RAD23B: variants seen among roughly 807,000 people sequenced by gnomAD.
RAD23B encodes RAD23 nucleotide excision repair protein B.
Under a neutral mutation model 49.1 loss-of-function variants are expected in RAD23B, and 5 were observed. That is an observed-to-expected ratio of 0.10 (90% CI 0.05 to 0.21). RAD23B has a LOEUF of 0.21. Among genes scored for constraint, RAD23B ranks in the 10% least tolerant of loss-of-function variants. The probability of loss-of-function intolerance (pLI) is 1.00; values close to 1 mark genes in which losing one functional copy is unlikely to be tolerated. For missense variants in RAD23B, 356 were observed against 486.7 expected, an observed-to-expected ratio of 0.73 and a Z score of 2.53; for synonymous variants, 184 against 165.4, an observed-to-expected ratio of 1.11 and a Z score of -0.86.
chr9:107,309,714 A>G (rs1195944146), intron 4 of RAD23B, among the ~76,000 whole-genome samples: 2 of 152,038 alleles, frequency 1.3e-5, no homozygotes, highest in Non-Finnish European at 2.9e-5. Context: ...GGCGGATCAC[A>G]AGGTCAGGAG....
intron 6 of RAD23B, 66 bp from the exon 7 acceptor site, chr9:107,321,917 T>G: frequency 4.2e-6 from 6 of 1,419,268 alleles, no homozygotes; most frequent in Non-Finnish European, 4.7e-6. Flanking sequence ...ACTATAAATC[T>G]TTTACTCTGT....
intron 3 of RAD23B, among the ~76,000 whole-genome samples, chr9:107,305,438 C>G (rs559228003): frequency 5.6e-4 from 85 of 152,240 alleles, no homozygotes; most frequent in African/African-American, 2.0e-3. Context: ...ATTGCGGTCT[C>G]AAGGTGGCAG....
At chr9:107,283,717 AG>A in intron 1 of RAD23B, 22 bp downstream of exon 1, 1 of 1,447,200 alleles carries the variant, frequency 6.9e-7, no homozygotes, top group South Asian at 1.3e-5. Context: ...GGCCGGGGGC[AG>A]GGGCAGCCGC....
At chr9:107,313,917 TTCCTTCC>T (rs977998874) in intron 5 of RAD23B, among the ~76,000 whole-genome samples, 9 of 151,862 alleles carry the variant, frequency 5.9e-5, no homozygotes, top group Middle Eastern at 3.4e-3. Context: ...TCCTTTCTCC[TTCCTTCC>T]TCCTTCCTTC....
chr9:107,299,902 C>T (rs1774884559), intron 1 of RAD23B, among the ~76,000 whole-genome samples: 1 of 152,016 alleles, frequency 6.6e-6, no homozygotes, highest in South Asian at 2.1e-4. Flanking sequence ...ATCAGTTCAA[C>T]TAGTAAATTT....
At chr9:107,284,059 G>A (rs998045288) in intron 1 of RAD23B, 138 of 1,022,314 alleles carry the variant, frequency 1.3e-4, no homozygotes, top group Middle Eastern at 4.6e-4. Flanking sequence ...CACAGGTGGG[G>A]GAGGGAGACG....
chr9:107,299,532 C>A (rs544436025), intron 1 of RAD23B, among the ~76,000 whole-genome samples: 1 of 152,184 alleles, frequency 6.6e-6, no homozygotes, highest in Non-Finnish European at 1.5e-5. Flanking sequence ...AGAAGCTAAG[C>A]TGCTTGTTTA....
At chr9:107,285,382 A>C (rs1833255501) in intron 1 of RAD23B, among the ~76,000 whole-genome samples, 2 of 152,258 alleles carry the variant, frequency 1.3e-5, no homozygotes, top group African/African-American at 4.8e-5. Flanking sequence ...CCAGTAACTT[A>C]ATCGGCTTAT....
intron 2 of RAD23B, 85 bp from the exon 3 acceptor site, chr9:107,301,950 C>G: frequency 2.7e-6 from 4 of 1,476,898 alleles, no homozygotes; most frequent in Non-Finnish European, 3.7e-6. Context: ...CTGAAATATT[C>G]ATATTTCGAG....
intron 1 of RAD23B, among the ~76,000 whole-genome samples, chr9:107,299,763 T>C (rs1396206979): frequency 1.3e-5 from 2 of 152,226 alleles, no homozygotes; most frequent in South Asian, 4.1e-4. Flanking sequence ...AGTATTCTTA[T>C]TGTTGATGAG....
Position 107,306,586 on chromosome 9 carries a change from G to A in RAD23B, c.436G>A (p.Glu146Lys). The stretch of plus-strand genomic sequence containing the variant: ...TGCACCTGCTAGTGCAGCTAAACAA[G>A]AGAAGCCTGCAGAAAAGCCAGCAGA... ...EPAPASAAKQ[E>K]KPAEKPAETP... Residue 146 changes from glutamate to lysine, a missense_variant, in exon 4 of 10, where the codon GAG becomes AAG. This residue lies in a region of RAD23B where 137 missense variants were observed against 122.0 expected (regional missense o/e 1.12). Transcript: ENST00000358015. The A allele has an allele frequency of 6.2e-7, 1 of 1,614,148 alleles. No individual in the cohort carries two copies.
At chr9:107,302,290 CATTA>C (rs1214057216) in intron 3 of RAD23B, among the ~76,000 whole-genome samples, 176 bp downstream of exon 3, 1 of 152,026 alleles carries the variant, frequency 6.6e-6, no homozygotes, top group African/African-American at 2.4e-5. Context: ...TAATGTTTTA[CATTA>C]ATTACACATT....
At chr9:107,303,590 T>C (rs1161399897) in intron 3 of RAD23B, among the ~76,000 whole-genome samples, 1 of 152,210 alleles carries the variant, frequency 6.6e-6, no homozygotes, top group Non-Finnish European at 1.5e-5. Context: ...TATAGTTACA[T>C]TGTTTTGCAG....
intron 1 of RAD23B, among the ~76,000 whole-genome samples, chr9:107,285,068 T>C (rs1346187238): frequency 6.6e-6 from 1 of 152,234 alleles, no homozygotes; most frequent in Non-Finnish European, 1.5e-5. Flanking sequence ...GGGATTTTGG[T>C]ACAAAATTAT....
At chr9:107,325,174 C>T (rs762269249) in intron 9 of RAD23B, 170 bp downstream of exon 9, 20 of 481,652 alleles carry the variant, frequency 4.2e-5, no homozygotes, top group African/African-American at 1.0e-4. Context: ...AATTAGCTGG[C>T]GTGGTGGCAC....
intron 4 of RAD23B, among the ~76,000 whole-genome samples, chr9:107,306,869 G>T (rs1196243141): frequency 1.3e-5 from 2 of 151,692 alleles, no homozygotes; most frequent in African/African-American, 2.4e-5. Flanking sequence ...GTTGATTTGG[G>T]CAGGGTGGGG....
chr9:107,283,691 A>C lies in RAD23B; in HGVS notation c.62A>C (p.Glu21Ala). Residue 21 changes from glutamate to alanine, a missense_variant, in exon 1 of 10, where the codon GAG (glutamate) becomes GCG (alanine). Physicochemically the swap from Glu to Ala is moderately radical, Grantham distance 107. Around this residue, in one of 5 missense-constraint regions of RAD23B, gnomAD observed 31 missense variants for 23.5 expected, o/e 1.32. Coordinates refer to ENST00000358015, the MANE Select transcript of RAD23B (RefSeq NM_002874.5). ...TTCAAGATAGACATTGACCCCGAGG[A>C]GACGGTATGCGCGCGGGCCGGGGGC... ...QTFKIDIDPE[E>A]TVKALKEKIE... 6.8e-7 allele frequency: 1 copy of C among 1,469,368 alleles called. No individual in the cohort carries two copies. The highest frequency in any genetic ancestry group is 9.0e-7 in the Non-Finnish European group (1 of 1,106,764). 91.0% of individuals were successfully genotyped at this position (1,469,368 alleles called of 1,614,324 possible).
chr9:107,325,587 G>T (rs1040197511), intron 9 of RAD23B, among the ~76,000 whole-genome samples: 4 of 152,046 alleles, frequency 2.6e-5, no homozygotes, highest in African/African-American at 9.6e-5. Flanking sequence ...TGTGTATATT[G>T]ATCTTTTATC....
intron 1 of RAD23B, among the ~76,000 whole-genome samples, chr9:107,298,759 A>C (rs907564958): frequency 6.6e-6 from 1 of 151,994 alleles, no homozygotes; most frequent in Non-Finnish European, 1.5e-5. Context: ...AAAAATAACT[A>C]TCTGCCAAAA....
Sources: gnomAD v4.1 joint callset for allele counts (sites outside exome capture counted in the v4.1 genomes callset) on GRCh38, gnomAD v4.1.1 for gene constraint, gnomAD v4.1.1 regional missense constraint, MANE v1.5 for transcripts, NCBI Gene and HGNC (gene_info 2026-07-23, HGNC 2026-07-21) for gene names.